The following SEC24A variants were observed in gnomAD, a reference collection of about 807,000 sequenced individuals.
SEC24A encodes protein transport protein Sec24A.
Under a neutral mutation model 129.4 loss-of-function variants are expected in SEC24A, and 93 were observed. The ratio of observed to expected loss-of-function variants is 0.72; its 90% confidence interval spans 0.61 to 0.85. The LOEUF is 0.85. Ranked by LOEUF, SEC24A falls within the 40% of genes least tolerant of loss-of-function variation. SEC24A has a pLI of 0.00. For synonymous variants in SEC24A, 460 were observed against 467.3 expected, an observed-to-expected ratio of 0.98 and a Z score of 0.20; for missense variants, 1,264 against 1,307.4, an observed-to-expected ratio of 0.97 and a Z score of 0.51.
chr5:134,674,442 C>T (rs577768734), intron 4 of SEC24A, among the ~76,000 whole-genome samples, 173 bp from the exon 5 acceptor site: 2 of 152,166 alleles, frequency 1.3e-5, no homozygotes, highest in African/African-American at 4.8e-5. Flanking sequence ...GAGGCTGACA[C>T]AGGAGGATCA....
intron 10 of SEC24A, among the ~76,000 whole-genome samples, chr5:134,687,231 G>C (rs547031667): frequency 3.2e-4 from 49 of 152,188 alleles, no homozygotes; most frequent in African/African-American, 1.2e-3. Context: ...CCAGCATACT[G>C]TTTTACCTAT....
chr5:134,664,999 C>T (rs1025702788), intron 2 of SEC24A, among the ~76,000 whole-genome samples: 3 of 151,088 alleles, frequency 2.0e-5, no homozygotes, highest in African/African-American at 7.3e-5. Flanking sequence ...GGGGTTTCAC[C>T]ATATAGGCCA....
At chr5:134,675,019 C>G in intron 5 of SEC24A, 26 bp from the exon 6 acceptor site, 1 of 1,531,180 alleles carries the variant, frequency 6.5e-7, no homozygotes, top group African/African-American at 1.4e-5. Context: ...ATAAAAGTTA[C>G]TTACTTTAAA....
intron 8 of SEC24A, 89 bp downstream of exon 8, chr5:134,679,817 A>AC (rs1751203151): frequency 9.2e-7 from 1 of 1,083,634 alleles, no homozygotes; most frequent in Non-Finnish European, 1.2e-6. Flanking sequence ...AAAAAAAAAA[A>AC]CCCTTTTATT....
Position 134,686,885 on chromosome 5 carries a change from GT to G in SEC24A, c.1589del (p.Leu530Ter). On this transcript the variant is annotated frameshift_variant, in exon 10 of 23. Coordinates refer to ENST00000398844, the MANE Select transcript of SEC24A (RefSeq NM_021982.3). LOFTEE classifies it high-confidence loss of function. ...ACTTGAATTCAGTTTGCCAGAGTTT[GT>G]TAGACAATCTGGATTTGTAAGTTTC... ...GYLNSVCQSL[L>X]DNLDLLPGNT... 6.3e-7 allele frequency: 1 copy of G among 1,596,834 alleles called. No homozygotes were observed. Among genetic ancestry groups the G allele is most frequent in the Non-Finnish European group, 8.6e-7 (1 of 1,167,978 alleles).
At position 134,661,216 on chromosome 5, in the gene SEC24A, G is replaced by T; in HGVS notation, c.195G>T (p.Lys65Asn). 1 of 1,614,144 alleles carries T rather than the reference G, an allele frequency of 6.2e-7. No individual in the cohort carries two copies. Among genetic ancestry groups the T allele is most frequent in the Non-Finnish European group, 8.5e-7 (1 of 1,180,022 alleles). Reference sequence around the variant, plus strand: ...CCTACCCTCATCCAATACCAGCAAAGACTTTGAATCCAGTCTCTGGACAGT... The same window carrying T: ...CCTACCCTCATCCAATACCAGCAAATACTTTGAATCCAGTCTCTGGACAGT... ...PGSYPHPIPAKTLNPVSGQSN... is the reference protein window; with the variant it reads ...PGSYPHPIPANTLNPVSGQSN... The change falls in exon 2 of 23, where the codon AAG becomes AAT. Residue 65 changes from lysine to asparagine, a missense_variant. Physicochemically the swap from Lys to Asn is moderately conservative, Grantham distance 94. Transcript: ENST00000398844.
At chr5:134,659,228 C>T (rs1301683552) in intron 1 of SEC24A, among the ~76,000 whole-genome samples, 5 of 151,968 alleles carry the variant, frequency 3.3e-5, no homozygotes, top group East Asian at 1.9e-4. Context: ...CCCGCCACCA[C>T]GCTCCACTAA....
intron 1 of SEC24A, among the ~76,000 whole-genome samples, chr5:134,659,063 A>T (rs1750350738): frequency 6.7e-6 from 1 of 148,680 alleles, no homozygotes; most frequent in Non-Finnish European, 1.5e-5. Flanking sequence ...TTATTTATTT[A>T]TTTATTTATT....
At chr5:134,665,941 A>G (rs1449318965) in intron 2 of SEC24A, among the ~76,000 whole-genome samples, 2 of 152,226 alleles carry the variant, frequency 1.3e-5, no homozygotes, top group Non-Finnish European at 2.9e-5. Context: ...AATTTGTACT[A>G]GAATATGACA....
intron 11 of SEC24A, among the ~76,000 whole-genome samples, chr5:134,692,365 T>C (rs72800321): frequency 0.12 from 18,977 of 152,144 alleles, 1,556 homozygotes; most frequent in South Asian, 0.36. Context: ...TATTTTCTAA[T>C]TGGGAGGCTG....
At chr5:134,706,491 C>T (rs980766103) in intron 17 of SEC24A, among the ~76,000 whole-genome samples, 1 of 152,198 alleles carries the variant, frequency 6.6e-6, no homozygotes, top group Non-Finnish European at 1.5e-5. Context: ...AGACTTCAGT[C>T]GGTCCATTTT....
At chr5:134,652,755 C>T (rs1373560750) in intron 1 of SEC24A, among the ~76,000 whole-genome samples, 1 of 151,886 alleles carries the variant, frequency 6.6e-6, no homozygotes, top group East Asian at 1.9e-4. Flanking sequence ...TGCCACCATG[C>T]CTGGCTGATT....
At chr5:134,700,084 C>T (rs1198774581) in intron 15 of SEC24A, among the ~76,000 whole-genome samples, 1 of 151,286 alleles carries the variant, frequency 6.6e-6, no homozygotes, top group Non-Finnish European at 1.5e-5. Context: ...TTTTCCATTG[C>T]TGCTGCACAA....
chr5:134,661,111 A>G lies in SEC24A; in HGVS notation c.98-8A>G, dbSNP rs1439012543. On this transcript the variant is annotated splice_polypyrimidine_tract_variant and splice_region_variant and intron_variant, in intron 1 of 22. Transcript: ENST00000398844. ...GGTAAGACTAATTTTTCCTCCTTTT[A>G]TTGGAAGGTCCTGTCCAAAATGCAT... The G allele has an allele frequency of 1.3e-6, 2 of 1,557,716 alleles. No homozygotes were observed. The highest frequency in any genetic ancestry group is 1.2e-5 in the South Asian group (1 of 82,934).
chr5:134,693,719 T>C lies in SEC24A; in HGVS notation c.1780-8T>C. The stretch of plus-strand genomic sequence containing the variant: ...TGACACTTGAGTTTTCTTGCTTTGT[T>C]TTACAAGCTCGTGCAAGATTTACTG... On this transcript the variant is annotated splice_polypyrimidine_tract_variant and splice_region_variant and intron_variant, in intron 12 of 22. Transcript: ENST00000398844. 1 of 1,611,206 alleles carries C rather than the reference T, an allele frequency of 6.2e-7. No homozygotes were observed. Among genetic ancestry groups the C allele is most frequent in the Non-Finnish European group, 8.5e-7 (1 of 1,178,952 alleles).
In SEC24A at chr5:134,648,859, G is replaced by A; in HGVS notation, c.-218G>A. On this transcript the variant is annotated 5_prime_UTR_variant, in exon 1 of 23. Transcript: ENST00000398844. ...CTAGCCGGGCGTTCGCGGCCCCGCCGGCCCGACTCTCAAGCCTCAGCTCCC... is the reference window on the plus strand; with the variant it reads ...CTAGCCGGGCGTTCGCGGCCCCGCCAGCCCGACTCTCAAGCCTCAGCTCCC... The A allele has an allele frequency of 7.6e-6, 3 of 393,882 alleles. No individual in the cohort carries two copies. The highest frequency in any genetic ancestry group is 1.4e-5 in the Non-Finnish European group (3 of 213,666). 24.4% of individuals were successfully genotyped at this position (393,882 alleles called of 1,614,324 possible).
chr5:134,710,419 G>A (rs1752288784), intron 18 of SEC24A, among the ~76,000 whole-genome samples: 1 of 152,002 alleles, frequency 6.6e-6, no homozygotes, highest in South Asian at 2.1e-4. Context: ...TTTTAGTAGA[G>A]ACAGGGTTTC....
At chr5:134,658,742 G>A (rs1414194599) in intron 1 of SEC24A, among the ~76,000 whole-genome samples, 1 of 152,158 alleles carries the variant, frequency 6.6e-6, no homozygotes, top group African/African-American at 2.4e-5. Flanking sequence ...TGGGGTGGGG[G>A]AGAGGACATT....
chr5:134,673,051 A>ATT lies in SEC24A; in HGVS notation c.817+1184_817+1185dup, dbSNP rs375750332. On this transcript the variant is annotated intron_variant, in intron 4 of 22. Coordinates refer to ENST00000398844, the MANE Select transcript of SEC24A (RefSeq NM_021982.3). ...AACCATCTCACACGGCCCATTTAGG[A>ATT]TTTTTTTTTTTTTTTTTTTTCTGAG... is the stretch of plus-strand genomic sequence containing the variant. 9.5e-3 allele frequency among the ~76,000 whole-genome samples: 1,078 copies of ATT among 113,654 alleles called. 41 individuals are homozygous for ATT. Among genetic ancestry groups the ATT allele is most frequent in the African/African-American group, 0.026 (765 of 29,296 alleles). The allele number at this position is 113,654 out of a possible 152,430, so 74.6% of individuals were successfully genotyped here.
Sources: allele counts gnomAD v4.1 joint callset (sites outside exome capture counted in the v4.1 genomes callset), GRCh38; gene constraint gnomAD v4.1.1; transcripts MANE v1.5; gene names NCBI Gene and HGNC (gene_info 2026-07-23, HGNC 2026-07-21).